HHAT: variants seen among roughly 807,000 people sequenced by gnomAD.
The protein encoded by HHAT is hedgehog acyltransferase.
Under a neutral mutation model 70.8 loss-of-function variants are expected in HHAT, and 47 were observed. The observed-to-expected ratio is 0.66, with a 90% CI of 0.53 to 0.85. The LOEUF is 0.85. Ranked by LOEUF, HHAT falls within the 40% of genes least tolerant of loss-of-function variation. The probability of loss-of-function intolerance (pLI) is 0.00; values close to 1 mark genes in which losing one functional copy is unlikely to be tolerated. For synonymous variants in HHAT, 228 were observed against 247.6 expected (o/e 0.92, Z 0.74); for missense variants, 609 against 604.8 (o/e 1.01, Z -0.07).
chr1:210,349,098 A>G, intron 2 of HHAT, 32 bp downstream of exon 2: 1 of 1,603,220 alleles, frequency 6.2e-7, no homozygotes, highest in Non-Finnish European at 8.5e-7. Flanking sequence ...ACCTCCTATC[A>G]AACAAGGAAA....
At chr1:210,386,822 T>C (rs1361822789) in intron 3 of HHAT, among the ~76,000 whole-genome samples, 2 of 152,184 alleles carry the variant, frequency 1.3e-5, no homozygotes. Flanking sequence ...ATGTGGAACC[T>C]GGTACTGATG....
Position 210,418,203 on chromosome 1 carries a change from C to T in HHAT, c.734C>T (p.Ala245Val), listed in dbSNP as rs764319347. The T allele has an allele frequency of 3.7e-6, 6 of 1,614,124 alleles. No homozygotes were observed. Among genetic ancestry groups the T allele is most frequent in the Non-Finnish European group, 4.2e-6 (5 of 1,180,006 alleles). Reference protein sequence around the residue: ...DSLKASLCVLALGLGRLLCWW... With the variant: ...DSLKASLCVLVLGLGRLLCWW... ...CTGAAGGCCAGCCTGTGTGTCCTGG[C>T]CCTGGGGCTGGGCCGCCTTCTTTGC... Residue 245 changes from alanine to valine, a missense_variant, in exon 7 of 12, where the codon GCC (alanine) becomes GTC (valine). Transcript: ENST00000261458.
intron 9 of HHAT, among the ~76,000 whole-genome samples, chr1:210,520,773 T>C (rs1364033220): frequency 6.6e-6 from 1 of 152,234 alleles, no homozygotes; most frequent in East Asian, 1.9e-4. Context: ...TATATGTATC[T>C]CTTCAATTAA....
chr1:210,492,349 C>T (rs756253048), intron 8 of HHAT, among the ~76,000 whole-genome samples: 3 of 152,108 alleles, frequency 2.0e-5, no homozygotes, highest in Non-Finnish European at 4.4e-5. Flanking sequence ...TCCCTCACTC[C>T]CCAAGCCCCA....
Position 210,493,410 on chromosome 1 carries a change from GTCC to G in HHAT, c.1008-19740_1008-19738del, listed in dbSNP as rs895632423. Among the ~76,000 whole-genome samples the G allele has an allele frequency of 4.2e-4, 64 of 152,086 alleles. 1 individual carries two copies. Among genetic ancestry groups the G allele is most frequent in the Admixed American group, 1.3e-4 (2 of 15,258 alleles). ...CAGACAGAATTACTTCCTCTTTGGG[GTCC>G]TCGGTCTTTTCTCTTAAGGCCTTCA... On this transcript the variant is annotated intron_variant, in intron 8 of 11. Coordinates refer to ENST00000261458, the MANE Select transcript of HHAT (RefSeq NM_018194.6).
intron 8 of HHAT, among the ~76,000 whole-genome samples, chr1:210,475,156 G>A (rs904768721): frequency 1.3e-5 from 2 of 151,870 alleles, no homozygotes; most frequent in East Asian, 3.9e-4. Flanking sequence ...CCACTGTGCC[G>A]AGCTCACCCC....
chr1:210,565,529 C>T (rs183461702), intron 9 of HHAT, among the ~76,000 whole-genome samples: 185 of 152,248 alleles, frequency 1.2e-3, no homozygotes, highest in Non-Finnish European at 2.4e-3. Context: ...CATGAATTCT[C>T]CTTCTATTTC....
intron 2 of HHAT, among the ~76,000 whole-genome samples, chr1:210,357,100 C>G (rs1157134339): frequency 2.6e-5 from 4 of 152,222 alleles, no homozygotes; most frequent in Admixed American, 6.5e-5. Flanking sequence ...CCATTGTTAT[C>G]TATGGCCAGG....
At chr1:210,461,557 C>T (rs1330592065) in intron 7 of HHAT, among the ~76,000 whole-genome samples, 2 of 152,058 alleles carry the variant, frequency 1.3e-5, no homozygotes, top group East Asian at 3.9e-4. Flanking sequence ...CTGCCTCAGC[C>T]TCCCAAAGTG....
chr1:210,644,660 A>G (rs937139320), intron 11 of HHAT, among the ~76,000 whole-genome samples: 13 of 151,972 alleles, frequency 8.6e-5, no homozygotes, highest in Admixed American at 4.6e-4. Context: ...GGAGTGATCA[A>G]TCTAAAAGGG....
intron 1 of HHAT, among the ~76,000 whole-genome samples, chr1:210,341,844 A>G (rs1042586250): frequency 3.3e-5 from 5 of 152,154 alleles, no homozygotes; most frequent in African/African-American, 7.2e-5. Flanking sequence ...TTTGTACCCA[A>G]TTTGGAGGTG....
chr1:210,376,845 T>C (rs2090262549), intron 3 of HHAT, among the ~76,000 whole-genome samples: 1 of 152,232 alleles, frequency 6.6e-6, no homozygotes, highest in Non-Finnish European at 1.5e-5. Flanking sequence ...GCTGGGATTA[T>C]GGAGGGTTCC....
chr1:210,598,660 G>A (rs1000633387), intron 10 of HHAT, among the ~76,000 whole-genome samples: 1 of 152,182 alleles, frequency 6.6e-6, no homozygotes. Context: ...TCTCCCCCAA[G>A]TGTACAAGTT....
intron 8 of HHAT, among the ~76,000 whole-genome samples, chr1:210,472,107 A>G (rs1375967727): frequency 6.6e-6 from 1 of 152,226 alleles, no homozygotes; most frequent in African/African-American, 2.4e-5. Flanking sequence ...ATTAGAAGGT[A>G]CTTGAGCTAT....
chr1:210,445,078 T>A (rs986001895), intron 7 of HHAT, among the ~76,000 whole-genome samples: 20 of 152,196 alleles, frequency 1.3e-4, no homozygotes, highest in African/African-American at 4.8e-4. Context: ...GACTGTGTGA[T>A]CTGCCTGACT....
rs531195813 is a variant in HHAT at position 210,358,736 on chromosome 1, C to T, written c.92-4116C>T. Reference sequence around the variant, plus strand: ...ACGTGCCCCATGACTGGGTGTGCTGCTCCCTGGCAGTGGCTTGTGTCAGAC... The same window carrying T: ...ACGTGCCCCATGACTGGGTGTGCTGTTCCCTGGCAGTGGCTTGTGTCAGAC... On this transcript the variant is annotated intron_variant, in intron 2 of 11. Transcript: ENST00000261458. 3.3e-5 allele frequency among the ~76,000 whole-genome samples: 5 copies of T among 152,286 alleles called. No homozygotes were observed. The South Asian group carries it at 1.0e-3, about 32-fold the overall frequency.
At chr1:210,655,508 A>G (rs10779543) in intron 11 of HHAT, among the ~76,000 whole-genome samples, 57,733 of 151,964 alleles carry the variant, frequency 0.38, 11,311 homozygotes, top group Non-Finnish European at 0.42. Context: ...CTGTGAGAGG[A>G]ACTCTTGCTG....
chr1:210,616,128 C>T (rs549898626), intron 10 of HHAT, among the ~76,000 whole-genome samples: 6 of 152,254 alleles, frequency 3.9e-5, no homozygotes, highest in Middle Eastern at 3.4e-3. Context: ...ATGTGTATAC[C>T]TGTGGAATGG....
chr1:210,458,088 A>G (rs1024300351), intron 7 of HHAT, among the ~76,000 whole-genome samples: 3 of 152,338 alleles, frequency 2.0e-5, no homozygotes, highest in Middle Eastern at 3.4e-3. Flanking sequence ...TAGAGAAGGT[A>G]CTTTTGGAAG....
Sources: gnomAD v4.1 joint callset for allele counts (sites outside exome capture counted in the v4.1 genomes callset) on GRCh38, gnomAD v4.1.1 for gene constraint, MANE v1.5 for transcripts, NCBI Gene and HGNC (gene_info 2026-07-23, HGNC 2026-07-21) for gene names.